The following TAFA1 variants were observed in gnomAD, a reference collection of about 807,000 sequenced individuals.
TAFA1 encodes TAFA chemokine like family member 1, also known as chemokine-like protein TAFA-1.
A neutral mutation model predicts 18.5 loss-of-function variants in TAFA1; 4 were observed. The observed-to-expected ratio is 0.22, with a 90% CI of 0.11 to 0.49. The LOEUF (loss-of-function observed/expected upper bound fraction) is 0.49, where lower values mean the gene tolerates loss of function less well. Among genes scored for constraint, TAFA1 ranks in the 20% least tolerant of loss-of-function variants. The pLI is 0.98. For missense variants in TAFA1, 147 were observed against 169.0 expected (o/e 0.87, Z 0.72); for synonymous variants, 56 against 55.2 (o/e 1.01, Z -0.06).
At chr3:67,999,266 A>G (rs1267866135), upstream of TAFA1, among the ~76,000 whole-genome samples, 1 of 11,934 alleles carries the variant, frequency 8.4e-5, no homozygotes, top group Non-Finnish European at 2.0e-4. Flanking sequence ...CATTCTCTCT[A>G]TCCCCCCCCC....
At chr3:68,267,988 T>C (rs2067581923) in intron 2 of TAFA1, among the ~76,000 whole-genome samples, 1 of 152,178 alleles carries the variant, frequency 6.6e-6, no homozygotes, top group African/African-American at 2.4e-5. Flanking sequence ...CATGAACTCA[T>C]TAGAAGAGCT....
At chr3:68,318,684 A>C (rs1177718276) in intron 2 of TAFA1, among the ~76,000 whole-genome samples, 1 of 152,226 alleles carries the variant, frequency 6.6e-6, no homozygotes, top group Non-Finnish European at 1.5e-5. Context: ...GAAGAGGATA[A>C]ATCTCTTATA....
chr3:68,380,309 C>T (rs1241274214), intron 2 of TAFA1, among the ~76,000 whole-genome samples: 2 of 152,220 alleles, frequency 1.3e-5, no homozygotes, highest in Admixed American at 6.5e-5. Flanking sequence ...GGTCAAATGG[C>T]ATTTCTAGTT....
the TAFA1 span, among the ~76,000 whole-genome samples, chr3:67,993,832 G>C: frequency 2.0e-5 from 3 of 152,260 alleles, no homozygotes; most frequent in African/African-American, 2.4e-5. Flanking sequence ...TTTGGAAAAT[G>C]TGGTGACAGA....
rs532482171 is a variant in TAFA1, at chr3:68,274,676, A to T, written c.119-142604A>T. Among the ~76,000 whole-genome samples the T allele has an allele frequency of 5.3e-5, 8 of 152,266 alleles. 1 individual carries two copies. In the South Asian group the frequency reaches 1.7e-3, roughly 32 times the overall value. ...CAAATCATCAAGATTTCACAAAAGT[A>T]GTGAGGATTTTTGGTGTTTGTTCCC... On this transcript the variant is annotated intron_variant, in intron 2 of 4. Transcript: ENST00000478136.
At chr3:68,378,039 G>A (rs1280902127) in intron 2 of TAFA1, among the ~76,000 whole-genome samples, 1 of 152,206 alleles carries the variant, frequency 6.6e-6, no homozygotes, top group Non-Finnish European at 1.5e-5. Flanking sequence ...CAAGGGCAGG[G>A]CCCTCATGGA....
chr3:68,390,459 G>A (rs1348974209), intron 2 of TAFA1, among the ~76,000 whole-genome samples: 1 of 152,236 alleles, frequency 6.6e-6, no homozygotes, highest in Admixed American at 6.5e-5. Context: ...CTGCCTGCCA[G>A]CTCAGAAGAG....
chr3:68,126,400 G>A (rs2065465371), intron 2 of TAFA1, among the ~76,000 whole-genome samples: 1 of 152,178 alleles, frequency 6.6e-6, no homozygotes, highest in Admixed American at 6.5e-5. Flanking sequence ...ATGTGGTAAA[G>A]GATGTCAAAA....
intron 2 of TAFA1, among the ~76,000 whole-genome samples, chr3:68,384,782 A>G (rs763790001): frequency 1.3e-5 from 2 of 152,022 alleles, no homozygotes; most frequent in African/African-American, 2.4e-5. Flanking sequence ...ATCTCTTACT[A>G]TTATTGTGTG....
chr3:68,486,337 G>T (rs2072339609), intron 3 of TAFA1, among the ~76,000 whole-genome samples: 1 of 151,882 alleles, frequency 6.6e-6, no homozygotes, highest in South Asian at 2.1e-4. Context: ...GATTGTTTTT[G>T]CTTTGCTTGC....
intron 2 of TAFA1, among the ~76,000 whole-genome samples, chr3:68,405,712 A>C (rs75838091): frequency 1.2e-4 from 13 of 105,454 alleles, no homozygotes; most frequent in African/African-American, 5.6e-4. Context: ...AAAAAAAAAA[A>C]AAAAAAAAAA....
At chr3:68,280,696 A>C (rs948677904) in intron 2 of TAFA1, among the ~76,000 whole-genome samples, 1 of 152,098 alleles carries the variant, frequency 6.6e-6, no homozygotes, top group Admixed American at 6.6e-5. Context: ...TATCACTTTC[A>C]TGGATCTAAA....
chr3:68,376,003 T>C (rs1321895515), intron 2 of TAFA1, among the ~76,000 whole-genome samples: 1 of 152,174 alleles, frequency 6.6e-6, no homozygotes, highest in Non-Finnish European at 1.5e-5. Context: ...AAGTGATGTT[T>C]TTCATTGACC....
chr3:68,204,474 T>C (rs2066503220), intron 2 of TAFA1, among the ~76,000 whole-genome samples: 1 of 151,198 alleles, frequency 6.6e-6, no homozygotes, highest in Non-Finnish European at 1.5e-5. Context: ...TCTTCTTTGA[T>C]GATGTGCTCA....
In TAFA1 at chr3:68,079,370, T is replaced by G. The variant is rs9869767; in HGVS notation, c.118+72626T>G. 5.8e-3 allele frequency among the ~76,000 whole-genome samples: 886 copies of G among 152,230 alleles called. 3 individuals are homozygous for G. Among genetic ancestry groups the G allele is most frequent in the African/African-American group, 0.013 (548 of 41,542 alleles). ...CTTCTGCTAGCTTTTGAATGTGTTT[T>G]CTCTTGCTTTTCTAGTTCTTTTAAT... On this transcript the variant is annotated intron_variant, in intron 2 of 4. Coordinates refer to ENST00000478136, the MANE Select transcript of TAFA1 (RefSeq NM_213609.4).
chr3:68,084,229 A>T (rs1237487987), intron 2 of TAFA1, among the ~76,000 whole-genome samples: 2 of 152,150 alleles, frequency 1.3e-5, no homozygotes, highest in Non-Finnish European at 2.9e-5. Context: ...TCTTTAGTGG[A>T]GTTGTTATGT....
At chr3:68,340,082 A>T (rs1381986798) in intron 2 of TAFA1, among the ~76,000 whole-genome samples, 1 of 152,194 alleles carries the variant, frequency 6.6e-6, no homozygotes, top group African/African-American at 2.4e-5. Flanking sequence ...AGCTTAAGTG[A>T]TTCTCAAAAA....
At chr3:68,002,941 T>C (rs866398116), upstream of TAFA1, among the ~76,000 whole-genome samples, 1 of 152,228 alleles carries the variant, frequency 6.6e-6, no homozygotes, top group African/African-American at 2.4e-5. Context: ...TTGATAAACA[T>C]TACCTGCTGC....
At chr3:68,409,951 T>C (rs1228827213) in intron 2 of TAFA1, among the ~76,000 whole-genome samples, 1 of 152,136 alleles carries the variant, frequency 6.6e-6, no homozygotes, top group African/African-American at 2.4e-5. Flanking sequence ...TGGGGACCCT[T>C]TTAAAAGAAA....
Sources: gnomAD v4.1 joint callset for allele counts (sites outside exome capture counted in the v4.1 genomes callset) on GRCh38, gnomAD v4.1.1 for gene constraint, MANE v1.5 for transcripts, NCBI Gene and HGNC (gene_info 2026-07-23, HGNC 2026-07-21) for gene names.